CEMIP2: variants seen among roughly 807,000 people sequenced by gnomAD.
The protein encoded by CEMIP2 is cell surface hyaluronidase CEMIP2.
CEMIP2 carries 79 observed loss-of-function variants against 146.9 expected under a neutral mutation model. That is an observed-to-expected ratio of 0.54 (90% confidence interval 0.45 to 0.65). CEMIP2 has a LOEUF of 0.65. CEMIP2 is among the 30% of genes least tolerant of loss of function. CEMIP2 has a pLI of 0.00. For synonymous variants in CEMIP2, 601 were observed against 606.3 expected (o/e 0.99, Z 0.13); for missense variants, 1,596 against 1,696.2 (o/e 0.94, Z 1.04).
intron 6 of CEMIP2, among the ~76,000 whole-genome samples, chr9:71,734,208 G>GGTTTTTTTTTTTTTTTTTTTTTTTTTTT (rs374206725): frequency 6.9e-6 from 1 of 144,136 alleles, no homozygotes; most frequent in Non-Finnish European, 1.6e-5. Context: ...ATGAGTTTTT[G>GGTTTTTTTTTTTTTTTTTTTTTTTTTTT]TTTTTGTTTT....
At chr9:71,751,632 C>T (rs1273172702) in intron 1 of CEMIP2, among the ~76,000 whole-genome samples, 2 of 152,140 alleles carry the variant, frequency 1.3e-5, no homozygotes, top group Non-Finnish European at 2.9e-5. Flanking sequence ...ATAATTCTGG[C>T]TCAGCTGGTG....
At chr9:71,697,949 C>G (rs755600033) in intron 20 of CEMIP2, 36 bp downstream of exon 20, 10 of 1,591,386 alleles carry the variant, frequency 6.3e-6, no homozygotes, top group Non-Finnish European at 7.7e-6. Context: ...CTGACTTTTT[C>G]TCCTTGGCCA....
intron 5 of CEMIP2, among the ~76,000 whole-genome samples, chr9:71,737,893 AT>A (rs1175822437): frequency 1.3e-5 from 2 of 152,216 alleles, no homozygotes; most frequent in Admixed American, 1.3e-4. Context: ...ATGATAGCTA[AT>A]AGTTGTTGAG....
intron 12 of CEMIP2, among the ~76,000 whole-genome samples, chr9:71,719,003 A>G (rs1376220572): frequency 1.3e-5 from 2 of 152,234 alleles, no homozygotes; most frequent in Non-Finnish European, 2.9e-5. Context: ...ACTGTCCACT[A>G]TAACAACTCA....
chr9:71,717,550 T>G (rs1405018627), intron 13 of CEMIP2, among the ~76,000 whole-genome samples: 7 of 152,166 alleles, frequency 4.6e-5, no homozygotes. Context: ...ATTTACTGAG[T>G]TGGAATTATA....
intron 17 of CEMIP2, 132 bp from the exon 18 acceptor site, chr9:71,704,935 C>CAGCAGCCAACT: frequency 1.3e-6 from 1 of 770,174 alleles, no homozygotes; most frequent in South Asian, 1.8e-5. Flanking sequence ...ACTAAGTGAG[C>CAGCAGCCAACT]AGCAGCCAAC....
intron 1 of CEMIP2, among the ~76,000 whole-genome samples, chr9:71,759,550 T>C (rs940134250): frequency 6.6e-6 from 1 of 152,074 alleles, no homozygotes; most frequent in African/African-American, 2.4e-5. Context: ...CCAGGGAGAA[T>C]GAGGGCTTGG....
At chr9:71,729,768 A>T (rs1823560491) in intron 10 of CEMIP2, 77 bp downstream of exon 10, 1 of 1,457,310 alleles carries the variant, frequency 6.9e-7, no homozygotes, top group Admixed American at 1.7e-5. Flanking sequence ...CACACATGAC[A>T]TTAAATCCAA....
At chr9:71,716,619 C>T in intron 13 of CEMIP2, 67 bp from the exon 14 acceptor site, 2 of 1,317,774 alleles carry the variant, frequency 1.5e-6, no homozygotes, top group Non-Finnish European at 2.1e-6. Flanking sequence ...GTAATTCTCT[C>T]AATATTTAAT....
At position 71,715,075 on chromosome 9, in the gene CEMIP2, G is replaced by A; in HGVS notation, c.2450C>T (p.Pro817Leu). ...GLTFASDGSFPSDEGSSQEVS... is the reference protein window; with the variant it reads ...GLTFASDGSFLSDEGSSQEVS... ...CTCTTGGCTGGAACCTTCATCACTTGGGAAGCTTCCATCACTGTTAAAATG... is the reference window on the plus strand; with the variant it reads ...CTCTTGGCTGGAACCTTCATCACTTAGGAAGCTTCCATCACTGTTAAAATG... The change falls in exon 15 of 24, where the codon CCA becomes CTA. Residue 817 changes from proline (P) to leucine (L), a missense_variant. Transcript: ENST00000377044. 1.2e-6 allele frequency: 2 copies of A among 1,613,388 alleles called. No individual in the cohort carries two copies. The highest frequency in any genetic ancestry group is 1.7e-6 in the Non-Finnish European group (2 of 1,179,788).
intron 1 of CEMIP2, among the ~76,000 whole-genome samples, chr9:71,759,828 T>TGGGGGGGGG (rs34134528): frequency 4.9e-5 from 3 of 60,720 alleles, no homozygotes; most frequent in African/African-American, 1.1e-4. Context: ...TACGGGGAGG[T>TGGGGGGGGG]GGGGGGGGGA....
intron 12 of CEMIP2, among the ~76,000 whole-genome samples, chr9:71,721,385 G>A (rs1823227033): frequency 6.6e-6 from 1 of 151,824 alleles, no homozygotes; most frequent in Non-Finnish European, 1.5e-5. Context: ...TTGTTGATCA[G>A]CTTTTAGGTA....
Position 71,704,617 on chromosome 9 carries a change from G to A in CEMIP2, c.3172C>T (p.Leu1058=), listed in dbSNP as rs773906205. The A allele has an allele frequency of 6.2e-7, 1 of 1,614,160 alleles. No individual in the cohort carries two copies. Among genetic ancestry groups the A allele is most frequent in the Non-Finnish European group, 8.5e-7 (1 of 1,180,008 alleles). Residue 1058 remains leucine (L), a synonymous_variant, in exon 18 of 24, where the codon CTA becomes TTA. Coordinates refer to ENST00000377044, the MANE Select transcript of CEMIP2 (RefSeq NM_013390.3). ...WNGPAPRTTF[L]YLVNFNKNDW... ...TACTTGTTGAAGTTGACGAGGTATAGAAATGTAGTCCGTGGTGCCGGCCCA... is the reference window on the plus strand; with the variant it reads ...TACTTGTTGAAGTTGACGAGGTATAAAAATGTAGTCCGTGGTGCCGGCCCA...
rs67234507 is a variant in CEMIP2, at chr9:71,756,472, CCTCTCTCTCTCT to C, written c.-12-6099_-12-6088del. On this transcript the variant is annotated intron_variant, in intron 1 of 23. Coordinates refer to ENST00000377044, the MANE Select transcript of CEMIP2 (RefSeq NM_013390.3). ...CAAAGAATCTCTTCAACTACAGATT[CCTCTCTCTCTCT>C]CTCTCTCTCTCTCTCTCTCTCTCAC... 1.2e-4 allele frequency among the ~76,000 whole-genome samples: 16 copies of C among 130,066 alleles called. No homozygotes were observed. In the South Asian group the frequency reaches 2.4e-3, roughly 19 times the overall value. The allele number at this position is 130,066 out of a possible 152,430, so 85.3% of individuals were successfully genotyped here.
chr9:71,726,605 C>A (rs1473890239), intron 10 of CEMIP2, among the ~76,000 whole-genome samples: 1 of 151,986 alleles, frequency 6.6e-6, no homozygotes, highest in Non-Finnish European at 1.5e-5. Context: ...ATATAATATA[C>A]CTAATAAGTA....
chr9:71,712,359 C>T lies in CEMIP2; in HGVS notation c.2592-99G>A. The T allele has an allele frequency of 2.5e-6, 3 of 1,204,756 alleles. No individual in the cohort carries two copies. The South Asian group carries it at 4.4e-5, about 18-fold the overall frequency. The allele number at this position is 1,204,756 out of a possible 1,614,324, so 74.6% of individuals were successfully genotyped here. A position where few individuals can be genotyped will look rare whatever the true frequency, so the allele number is the denominator to read the frequency against. The stretch of plus-strand genomic sequence containing the variant: ...AAGACAGCTAAATATCCGGTATGAA[C>T]TAAGCAAAATTCTAGGATACAGTAG... On this transcript the variant is annotated intron_variant, in intron 15 of 23. Transcript: ENST00000377044.
At chr9:71,750,940 T>C (rs533220489) in intron 1 of CEMIP2, among the ~76,000 whole-genome samples, 1 of 152,096 alleles carries the variant, frequency 6.6e-6, no homozygotes, top group Admixed American at 6.5e-5. Context: ...AGAGATGGGA[T>C]CCTGCTATAT....
intron 1 of CEMIP2, among the ~76,000 whole-genome samples, chr9:71,760,875 T>C (rs1469931715): frequency 6.6e-6 from 1 of 152,222 alleles, no homozygotes; most frequent in African/African-American, 2.4e-5. Flanking sequence ...CTACCAGTCA[T>C]TCTCTATTCC....
intron 5 of CEMIP2, 44 bp downstream of exon 5, chr9:71,740,019 A>C: frequency 6.4e-7 from 1 of 1,566,986 alleles, no homozygotes; most frequent in Non-Finnish European, 8.7e-7. Flanking sequence ...ATCTGTCATA[A>C]TACTTATCAG....
Sources: allele counts gnomAD v4.1 joint callset (sites outside exome capture counted in the v4.1 genomes callset), GRCh38; gene constraint gnomAD v4.1.1; transcripts MANE v1.5; gene names NCBI Gene and HGNC (gene_info 2026-07-23, HGNC 2026-07-21).